PRKAA2: variants seen among roughly 807,000 people sequenced by gnomAD.
The protein encoded by PRKAA2 is 5'-AMP-activated protein kinase catalytic subunit alpha-2.
A neutral mutation model predicts 56.3 loss-of-function variants in PRKAA2; 40 were observed. The ratio of observed to expected loss-of-function variants is 0.71; its 90% CI spans 0.55 to 0.92. PRKAA2 has a LOEUF of 0.92. Among genes scored for constraint, PRKAA2 ranks in the 40% least tolerant of loss-of-function variants. PRKAA2 has a pLI of 0.00. For synonymous variants in PRKAA2, 214 were observed against 234.2 expected, an observed-to-expected ratio of 0.91 and a Z score of 0.79; for missense variants, 542 against 686.9, an observed-to-expected ratio of 0.79 and a Z score of 2.36.
intron 1 of PRKAA2, among the ~76,000 whole-genome samples, chr1:56,655,280 A>ATATATATATATATATATTTT: frequency 1.1e-5 from 1 of 93,680 alleles, no homozygotes; most frequent in African/African-American, 4.5e-5. Flanking sequence ...ATATATATAT[A>ATATATATATATATATATTTT]TTTTTTTTTT....
chr1:56,704,618 A>G lies in PRKAA2; in HGVS notation c.1293+143A>G, dbSNP rs933471604. The G allele has an allele frequency of 2.6e-5, 25 of 959,334 alleles. No homozygotes were observed. The African/African-American group carries it at 3.0e-4, about 11-fold the overall frequency. 59.4% of individuals were successfully genotyped at this position (959,334 alleles called of 1,614,324 possible). On this transcript the variant is annotated intron_variant, in intron 7 of 8. Coordinates refer to ENST00000371244, the MANE Select transcript of PRKAA2 (RefSeq NM_006252.4). ...ATTAAAAACAAAACAAATAACCTCT[A>G]TAAGGATGAAAAGTGGTTGATACTG...
chr1:56,713,919 A>C lies in PRKAA2; in HGVS notation c.*6206A>C, dbSNP rs1170406764. On this transcript the variant is annotated 3_prime_UTR_variant, in exon 9 of 9. Transcript: ENST00000371244. The stretch of plus-strand genomic sequence containing the variant: ...AATTATAAGAAGAGTAATAGTAAAA[A>C]CTTGTTTAAACTATATTTTCTTTTT... 1 of 151,252 alleles carries C rather than the reference A, an allele frequency of 6.6e-6. No individual in the cohort carries two copies. Among genetic ancestry groups the C allele is most frequent in the East Asian group, 1.9e-4 (1 of 5,162 alleles). The allele number at this position is 151,252 out of a possible 1,614,324, so 9.4% of individuals were successfully genotyped here. A position where few individuals can be genotyped will look rare whatever the true frequency, so the allele number is the denominator to read the frequency against.
rs1644379695 is a variant in PRKAA2 at position 56,713,095 on chromosome 1, G to A, written c.*5382G>A. On this transcript the variant is annotated 3_prime_UTR_variant, in exon 9 of 9. Transcript: ENST00000371244. The stretch of plus-strand genomic sequence containing the variant: ...AACTTTGAAATGTACTTATGTTTGA[G>A]CTTTAAAAATTATAAAAACTTCATT... The A allele has an allele frequency of 6.6e-6, 1 of 152,056 alleles. No individual in the cohort carries two copies. Among genetic ancestry groups the A allele is most frequent in the Non-Finnish European group, 1.5e-5 (1 of 68,012 alleles). 9.4% of individuals were successfully genotyped at this position (152,056 alleles called of 1,614,324 possible). A position where few individuals can be genotyped will look rare whatever the true frequency, so the allele number is the denominator to read the frequency against.
intron 6 of PRKAA2, among the ~76,000 whole-genome samples, chr1:56,703,408 A>G (rs1644309299): frequency 6.6e-6 from 1 of 152,198 alleles, no homozygotes; most frequent in Non-Finnish European, 1.5e-5. Context: ...CTTTATATCA[A>G]AGACAGCTAG....
rs1644342665 is a variant in PRKAA2 at position 56,707,808 on chromosome 1, A to G, written c.*95A>G. 3 of 1,119,834 alleles carry G rather than the reference A, an allele frequency of 2.7e-6. No individual in the cohort carries two copies. In the Admixed American group the frequency reaches 6.8e-5, roughly 25 times the overall value. The allele number at this position is 1,119,834 out of a possible 1,614,324, so 69.4% of individuals were successfully genotyped here. A position where few individuals can be genotyped will look rare whatever the true frequency, so the allele number is the denominator to read the frequency against. Reference sequence around the variant, plus strand: ...TTTGGATAATATCCACTGCAATACTAATTGAGAAACATGAATTATTTCCAG... The same window carrying G: ...TTTGGATAATATCCACTGCAATACTGATTGAGAAACATGAATTATTTCCAG... On this transcript the variant is annotated 3_prime_UTR_variant, in exon 9 of 9. Coordinates refer to ENST00000371244, the MANE Select transcript of PRKAA2 (RefSeq NM_006252.4).
In PRKAA2 at chr1:56,652,303, G is replaced by A. The variant is rs561796429; in HGVS notation, c.94+6822G>A. 3.9e-5 allele frequency among the ~76,000 whole-genome samples: 6 copies of A among 151,932 alleles called. 1 individual carries two copies. The South Asian group carries it at 1.0e-3, about 26-fold the overall frequency. ...TGGGAGTAAAGGCGTGAGCTATTGC[G>A]CCCGGCCTCACCCGGCTAATTTTCT... is the stretch of plus-strand genomic sequence containing the variant. On this transcript the variant is annotated intron_variant, in intron 1 of 8. Transcript: ENST00000371244.
chr1:56,676,100 T>C (rs536678796), intron 2 of PRKAA2, among the ~76,000 whole-genome samples: 25 of 152,324 alleles, frequency 1.6e-4, no homozygotes, highest in African/African-American at 5.8e-4. Context: ...TTATATTGTT[T>C]ACTTGATGAC....
chr1:56,666,308 C>G (rs1243339623), intron 1 of PRKAA2, among the ~76,000 whole-genome samples: 2 of 152,098 alleles, frequency 1.3e-5, no homozygotes, highest in Non-Finnish European at 2.9e-5. Flanking sequence ...TAAAGGAGAT[C>G]AGTAACAACA....
At chr1:56,688,200 C>T (rs1644205190) in intron 2 of PRKAA2, among the ~76,000 whole-genome samples, 1 of 152,042 alleles carries the variant, frequency 6.6e-6, no homozygotes, top group Admixed American at 6.6e-5. Flanking sequence ...ATTTGTTTCC[C>T]TTTGTCCCTA....
intron 1 of PRKAA2, 96 bp from the exon 2 acceptor site, chr1:56,674,285 T>G: frequency 9.5e-7 from 1 of 1,048,612 alleles, no homozygotes. Context: ...AGATGGTATA[T>G]ATGAGTAGAG....
chr1:56,701,624 C>T (rs527946499), intron 6 of PRKAA2, among the ~76,000 whole-genome samples: 55 of 152,170 alleles, frequency 3.6e-4, no homozygotes, highest in African/African-American at 1.1e-3. Flanking sequence ...TCGCCGGGCG[C>T]GGTGGCTCAC....
intron 2 of PRKAA2, 62 bp downstream of exon 2, chr1:56,674,584 T>C (rs1338765584): frequency 8.5e-6 from 11 of 1,288,478 alleles, no homozygotes; most frequent in Non-Finnish European, 1.0e-5. Flanking sequence ...TTTTTAGGAA[T>C]TTTATAATAA....
Position 56,696,048 on chromosome 1 carries a change from T to C in PRKAA2, c.677T>C (p.Ile226Thr). Residue 226 changes from isoleucine to threonine, a missense_variant, in exon 6 of 9, where the codon ATC becomes ACC. By Grantham distance (89) the Ile-to-Thr change is moderately conservative (BLOSUM62 -1). Transcript: ENST00000371244. ...CATGTACCTACGTTATTTAAGAAGATCCGAGGGGGTGTCTTTTATATCCCA... is the reference window on the plus strand; with the variant it reads ...CATGTACCTACGTTATTTAAGAAGACCCGAGGGGGTGTCTTTTATATCCCA... The part of the protein sequence containing the change: ...DEHVPTLFKK[I>T]RGGVFYIPEY... The C allele has an allele frequency of 6.2e-7, 1 of 1,612,832 alleles. No homozygotes were observed. The highest frequency in any genetic ancestry group is 8.5e-7 in the Non-Finnish European group (1 of 1,179,780).
In PRKAA2 at chr1:56,704,062, AAAG is replaced by A. The variant is rs1344046501; in HGVS notation, c.884_886del (p.Glu295del). 2 of 1,614,170 alleles carry A rather than the reference AAAG, an allele frequency of 1.2e-6. No individual in the cohort carries two copies. The highest frequency in any genetic ancestry group is 1.3e-5 in the African/African-American group (1 of 75,054). The stretch of plus-strand genomic sequence containing the variant: ...TAACGTCATTGATGATGAGGCTGTG[AAAG>A]AAGTGTGTGAAAAATTTGAATGTAC... On this transcript the variant is annotated inframe_deletion, in exon 7 of 9. Transcript: ENST00000371244.
intron 2 of PRKAA2, among the ~76,000 whole-genome samples, chr1:56,682,984 T>C (rs895247520): frequency 6.6e-6 from 1 of 151,824 alleles, no homozygotes; most frequent in Non-Finnish European, 1.5e-5. Flanking sequence ...CTGGTCTAGA[T>C]GGAGAGAAAT....
intron 1 of PRKAA2, among the ~76,000 whole-genome samples, chr1:56,646,807 T>TA (rs1249890977): frequency 4.6e-5 from 7 of 152,216 alleles, no homozygotes; most frequent in Non-Finnish European, 8.8e-5. Context: ...AGCTCCTGTT[T>TA]TCTTGCACAT....
chr1:56,696,338 C>T (rs140651111), intron 6 of PRKAA2, among the ~76,000 whole-genome samples, 179 bp downstream of exon 6: 2,987 of 152,116 alleles, frequency 0.02, 112 homozygotes, highest in African/African-American at 0.068. Context: ...GCCTTCATGT[C>T]TTTGTTTATA....
At position 56,671,518 on chromosome 1, in the gene PRKAA2, A is replaced by G. The variant is rs151029000; in HGVS notation, c.95-2863A>G. ...ATATTTTGAAATGTTAGCAAGTTAT[A>G]TTGCTTGAACTTGATATGTCTCACT... On this transcript the variant is annotated intron_variant, in intron 1 of 8. Transcript: ENST00000371244. 6.0e-3 allele frequency: 915 copies of G among 152,302 alleles called. 5 individuals are homozygous for G. The highest frequency in any genetic ancestry group is 0.021 in the African/African-American group (872 of 41,574). 9.4% of individuals were successfully genotyped at this position (152,302 alleles called of 1,614,324 possible).
Position 56,651,265 on chromosome 1 carries a change from G to C in PRKAA2, c.94+5784G>C, listed in dbSNP as rs180958873. Among the ~76,000 whole-genome samples the C allele has an allele frequency of 3.0e-3, 463 of 152,234 alleles. 1 individual carries two copies. Among genetic ancestry groups the C allele is most frequent in the Non-Finnish European group, 4.6e-3 (311 of 68,020 alleles). ...GAAATGTAGATGTAATGTAGAACAG[G>C]GGAAAAGGAAACATATTTTCAATAC... is the stretch of plus-strand genomic sequence containing the variant. On this transcript the variant is annotated intron_variant, in intron 1 of 8. Transcript: ENST00000371244.
Sources: allele counts gnomAD v4.1 joint callset (sites outside exome capture counted in the v4.1 genomes callset), GRCh38; gene constraint gnomAD v4.1.1; transcripts MANE v1.5; gene names NCBI Gene and HGNC (gene_info 2026-07-23, HGNC 2026-07-21).